KIF21B: variants seen among roughly 807,000 people sequenced by gnomAD.
KIF21B encodes the protein kinesin family member 21B.
In KIF21B, 85 loss-of-function variants were observed where a neutral mutation model predicts 192.9. The observed-to-expected ratio is 0.44, with a 90% confidence interval of 0.37 to 0.53. The LOEUF is 0.53. Ranked by LOEUF, KIF21B falls within the 20% of genes least tolerant of loss-of-function variation. The pLI is 0.00. For missense variants in KIF21B, 1,716 were observed against 2,194.8 expected, an observed-to-expected ratio of 0.78 and a Z score of 4.36; for synonymous variants, 832 against 884.6, an observed-to-expected ratio of 0.94 and a Z score of 1.05.
intron 14 of KIF21B, among the ~76,000 whole-genome samples, chr1:200,997,670 G>C (rs1657161165): frequency 1.3e-5 from 2 of 152,078 alleles, no homozygotes; most frequent in Admixed American, 1.3e-4. Context: ...TTGAACCGGG[G>C]GTCAGAGGTT....
rs1170365753 is a variant in KIF21B at position 200,981,084 on chromosome 1, G to A, written c.3855C>T (p.Ser1285=). The change falls in exon 29 of 35, where the codon TCC becomes TCT. Residue 1285 remains serine (S), a synonymous_variant. Transcript: ENST00000461742. ...SLSEVLRGII[S]PVGGAKGART... is the part of the protein sequence containing the mutation. ...GTGCACCCTTGGCTCCTCCAACCGG[G>A]GAGATGATGCCCCTTCCCGGGAGAG... is the stretch of plus-strand genomic sequence containing the variant. 5 of 1,592,398 alleles carry A rather than the reference G, an allele frequency of 3.1e-6. No homozygotes were observed. The highest frequency in any genetic ancestry group is 2.3e-5 in the South Asian group (2 of 87,032).
At chr1:200,981,153 G>A in intron 28 of KIF21B, 57 bp from the exon 29 acceptor site, 2 of 1,540,332 alleles carry the variant, frequency 1.3e-6, no homozygotes, top group South Asian at 1.3e-5. Context: ...CTGTGGCCAG[G>A]CTGATCAAGG....
intron 1 of KIF21B, among the ~76,000 whole-genome samples, chr1:201,022,922 C>T (rs1359462579): frequency 6.6e-6 from 1 of 152,226 alleles, no homozygotes; most frequent in Non-Finnish European, 1.5e-5. Flanking sequence ...CTAGCTGGAC[C>T]AAGAGCACAT....
In KIF21B at chr1:200,979,652, G is replaced by A. The variant is rs74962326; in HGVS notation, c.4043C>T (p.Pro1348Leu). Residue 1348 changes from proline to leucine, a missense_variant, in exon 30 of 35, where the codon CCC becomes CTC. Pro to Leu is a moderately conservative substitution (Grantham distance 98). Around this residue, in one of 3 missense-constraint regions of KIF21B, gnomAD observed 580 missense variants for 775.5 expected, o/e 0.75. Transcript: ENST00000461742. The stretch of plus-strand genomic sequence containing the variant: ...GTACTTGATGGAGACCACGTTGTTG[G>A]GGTGGCCCTTTAGAGCTGCGATCTC... ...GQEIAALKGH[P>L]NNVVSIKYCS... is the part of the protein sequence containing the mutation. 1.7e-4 allele frequency: 269 copies of A among 1,586,220 alleles called. No homozygotes were observed. The African/African-American group carries it at 3.3e-3, about 19-fold the overall frequency.
rs1471602060 is a variant in KIF21B at position 200,971,441 on chromosome 1, C to CG, written c.*2079dup. The CG allele has an allele frequency of 6.6e-6, 1 of 152,532 alleles. No individual in the cohort carries two copies. The highest frequency in any genetic ancestry group is 1.5e-5 in the Non-Finnish European group (1 of 68,072). 9.4% of individuals were successfully genotyped at this position (152,532 alleles called of 1,614,324 possible). ...CACCCCAGGTGGGGCATCCCCGGCC[C>CG]GGGGGTGGGAGCTCAAGGGGACAGA... On this transcript the variant is annotated 3_prime_UTR_variant, in exon 35 of 35. Transcript: ENST00000461742.
At chr1:201,008,677 G>C (rs536280899) in intron 3 of KIF21B, 92 bp downstream of exon 3, 1 of 1,198,384 alleles carries the variant, frequency 8.3e-7, no homozygotes, top group African/African-American at 1.5e-5. Context: ...TGGTTCCCAG[G>C]ACTCATTCCA....
intron 15 of KIF21B, among the ~76,000 whole-genome samples, chr1:200,993,765 C>CA (rs553024029): frequency 0.074 from 6,761 of 91,500 alleles, 289 homozygotes; most frequent in East Asian, 0.22. Context: ...CAAAACAAAA[C>CA]AAAAAAAAAA....
intron 8 of KIF21B, chr1:201,003,326 T>C (rs10920090): frequency 0.46 from 247,889 of 541,178 alleles, 61,214 homozygotes; most frequent in African/African-American, 0.8. Flanking sequence ...CAACAAAAGC[T>C]GGGGAGCCCT....
Position 201,002,197 on chromosome 1 carries a change from T to A in KIF21B, c.1366A>T (p.Met456Leu). Residue 456 changes from methionine to leucine, a missense_variant, in exon 9 of 35, where the codon ATG (methionine) becomes TTG (leucine). Coordinates refer to ENST00000461742, the MANE Select transcript of KIF21B (RefSeq NM_001252102.2). ...DAINNRVTQL[M>L]SQEANLLLAK... ...AGCAGCAGGTTGGCCTCCTGGCTCATGAGCTGGGTGACGCGGTTGTTGATG... is the reference window on the plus strand; with the variant it reads ...AGCAGCAGGTTGGCCTCCTGGCTCAAGAGCTGGGTGACGCGGTTGTTGATG... 1.2e-6 allele frequency: 2 copies of A among 1,614,154 alleles called. No homozygotes were observed. The highest frequency in any genetic ancestry group is 1.1e-5 in the South Asian group (1 of 91,082).
In KIF21B at chr1:200,988,423, T is replaced by C. The variant is rs367576107; in HGVS notation, c.3350+70A>G. Reference sequence around the variant, plus strand: ...AATTCAGGCTCAGCCCTGGGACCTATGGCAACTCCTCCCACCAGCCCCAGG... The same window carrying C: ...AATTCAGGCTCAGCCCTGGGACCTACGGCAACTCCTCCCACCAGCCCCAGG... On this transcript the variant is annotated intron_variant, in intron 23 of 34. Transcript: ENST00000461742. 2.5e-5 allele frequency: 41 copies of C among 1,610,232 alleles called. No individual in the cohort carries two copies. The African/African-American group carries it at 4.8e-4, about 19-fold the overall frequency.
At position 200,990,678 on chromosome 1, in the gene KIF21B, CG is replaced by C; in HGVS notation, c.2732del (p.Ala911GlyfsTer21). ...CCAGGGACTGCCACTTGAGCCTTGC[CG>C]CCTTACTGAAGCTCTGGCTGGCCCC... ...KKGASQSFSK[A>X]ARLKWQSLER... is the part of the protein sequence containing the mutation. On this transcript the variant is annotated frameshift_variant, in exon 19 of 35. Transcript: ENST00000461742. LOFTEE classifies it high-confidence loss of function. This position sits in a 1 kb window ranked among gnomAD's most constrained non-coding sequence, Gnocchi z 5.4. 1.9e-6 allele frequency: 3 copies of C among 1,614,142 alleles called. No homozygotes were observed. Among genetic ancestry groups the C allele is most frequent in the Non-Finnish European group, 2.5e-6 (3 of 1,180,026 alleles).
Position 201,023,511 on chromosome 1 carries a change from G to GCGT in KIF21B, c.-129_-128insACG, listed in dbSNP as rs1300056536. On this transcript the variant is annotated 5_prime_UTR_variant, in exon 1 of 35. Transcript: ENST00000461742. The surrounding 1 kb of genome is among the most constrained non-coding windows in gnomAD (Gnocchi z 5.9). ...GCTGGCGGAGGCTGCGGCGGCGGCG[G>GCGT]CTGGAGGTGACATGCTCGCGGGCGG... The GCGT allele has an allele frequency of 1.9e-6, 1 of 519,806 alleles. No homozygotes were observed. Among genetic ancestry groups the GCGT allele is most frequent in the Non-Finnish European group, 2.8e-6 (1 of 362,440 alleles). The allele number at this position is 519,806 out of a possible 1,614,324, so 32.2% of individuals were successfully genotyped here.
At position 200,972,174 on chromosome 1, in the gene KIF21B, T is replaced by TCCGCGTCCCCAGCC. The variant is rs1307899697; in HGVS notation, c.*1333_*1346dup. Reference sequence around the variant, plus strand: ...ACTGATTTAACAATTTCCCCGGAGCTCCGCGTCCCCAGCCCCGGGGCAGAG... The same window carrying TCCGCGTCCCCAGCC: ...ACTGATTTAACAATTTCCCCGGAGCTCCGCGTCCCCAGCCCCGCGTCCCCAGCCCCGGGGCAGAG... On this transcript the variant is annotated 3_prime_UTR_variant, in exon 35 of 35. Transcript: ENST00000461742. The TCCGCGTCCCCAGCC allele has an allele frequency of 6.6e-6, 1 of 152,142 alleles. No homozygotes were observed. Among genetic ancestry groups the TCCGCGTCCCCAGCC allele is most frequent in the Non-Finnish European group, 1.5e-5 (1 of 68,016 alleles). The allele number at this position is 152,142 out of a possible 1,614,324, so 9.4% of individuals were successfully genotyped here.
chr1:200,990,529 G>A lies in KIF21B; in HGVS notation c.2835+47C>T. The A allele has an allele frequency of 6.3e-7, 1 of 1,599,688 alleles. No individual in the cohort carries two copies. On this transcript the variant is annotated intron_variant, in intron 19 of 34. Transcript: ENST00000461742. This position sits in a 1 kb window ranked among gnomAD's most constrained non-coding sequence, Gnocchi z 5.4. ...GCCAGAGAAGTTGGAGGTGTCAGAG[G>A]ACAGGCAGAGGGGTGGAATGGAAGA... is the stretch of plus-strand genomic sequence containing the variant.
chr1:201,000,688 C>A lies in KIF21B; in HGVS notation c.1466+29G>T, dbSNP rs766254205. The A allele has an allele frequency of 2.5e-6, 4 of 1,613,950 alleles. No individual in the cohort carries two copies. The highest frequency in any genetic ancestry group is 8.5e-7 in the Non-Finnish European group (1 of 1,179,902). On this transcript the variant is annotated intron_variant, in intron 10 of 34. Coordinates refer to ENST00000461742, the MANE Select transcript of KIF21B (RefSeq NM_001252102.2). This position sits in a 1 kb window ranked among gnomAD's most constrained non-coding sequence, Gnocchi z 6.0. ...TCACCTGGCCGAGGCCCCCAGCCCG[C>A]GCACACCTGCCGGAGCTCACTCACT...
chr1:201,004,582 G>A (rs775484946), intron 6 of KIF21B, 127 bp from the exon 7 acceptor site: 45 of 1,125,242 alleles, frequency 4.0e-5, no homozygotes, highest in Non-Finnish European at 2.6e-6. Flanking sequence ...CCTTGGGTGG[G>A]TTTATAGGCA....
chr1:200,996,147 A>T, intron 15 of KIF21B, 49 bp downstream of exon 15: 3 of 1,538,648 alleles, frequency 1.9e-6, no homozygotes, highest in Middle Eastern at 2.3e-4. Flanking sequence ...GATTCTAAGA[A>T]GATGTCACAG....
intron 29 of KIF21B, among the ~76,000 whole-genome samples, chr1:200,980,177 T>C (rs1036588057): frequency 6.6e-6 from 1 of 152,254 alleles, no homozygotes; most frequent in Non-Finnish European, 1.5e-5. Context: ...ATATTTATGC[T>C]TGTGTTATAG....
rs766937251 is a variant in KIF21B, at chr1:201,004,800, C to A, written c.866G>T (p.Arg289Leu). Reference protein sequence around the residue: ...RLKRTGATGERAKEGISINCG... With the variant: ...RLKRTGATGELAKEGISINCG... ...GTTGATGGAGATGCCCTCCTTGGCCCGCTCGCCAGTAGCCCCTGTCCGCTT... is the reference window on the plus strand; with the variant it reads ...GTTGATGGAGATGCCCTCCTTGGCCAGCTCGCCAGTAGCCCCTGTCCGCTT... Residue 289 changes from arginine to leucine, a missense_variant, in exon 6 of 35, where the codon CGG becomes CTG. By Grantham distance (102) the Arg-to-Leu change is moderately radical. This residue lies in a region of KIF21B where 1,087 missense variants were observed against 1,316.6 expected (regional missense o/e 0.83). Coordinates refer to ENST00000461742, the MANE Select transcript of KIF21B (RefSeq NM_001252102.2). 6 of 1,614,038 alleles carry A rather than the reference C, an allele frequency of 3.7e-6. No homozygotes were observed. The highest frequency in any genetic ancestry group is 5.1e-6 in the Non-Finnish European group (6 of 1,180,014).
Sources: gnomAD v4.1 joint callset for allele counts (sites outside exome capture counted in the v4.1 genomes callset) on GRCh38, gnomAD v4.1.1 for gene constraint, gnomAD v4.1.1 regional missense constraint, Gnocchi (gnomAD v3.1) non-coding constraint, MANE v1.5 for transcripts, NCBI Gene and HGNC (gene_info 2026-07-23, HGNC 2026-07-21) for gene names.